Variants in ZDHHC22 observed in about 807,000 individuals in gnomAD.
ZDHHC22 encodes the protein palmitoyltransferase ZDHHC22.
A neutral mutation model predicts 17.0 loss-of-function variants in ZDHHC22; 13 were observed. The observed-to-expected ratio is 0.76, with a 90% CI of 0.50 to 1.21. The LOEUF (loss-of-function observed/expected upper bound fraction) is 1.21, where lower values mean the gene tolerates loss of function less well. ZDHHC22 is among the 50% of genes most tolerant of loss of function. The probability of loss-of-function intolerance (pLI) is 0.00; values close to 1 mark genes in which losing one functional copy is unlikely to be tolerated. For missense variants in ZDHHC22, 319 were observed against 342.3 expected, an observed-to-expected ratio of 0.93 and a Z score of 0.54; for synonymous variants, 138 against 154.7, an observed-to-expected ratio of 0.89 and a Z score of 0.80.
At chr14:77,135,357 T>C (rs1365535694) in intron 2 of ZDHHC22, among the ~76,000 whole-genome samples, 1 of 152,186 alleles carries the variant, frequency 6.6e-6, no homozygotes, top group African/African-American at 2.4e-5. Context: ...CTTTCAACAC[T>C]TGTCCAGTAT....
rs773094133 is a variant in ZDHHC22 at position 77,139,641 on chromosome 14, C to T, written c.98G>A (p.Ser33Asn). 1 of 1,577,986 alleles carries T rather than the reference C, an allele frequency of 6.3e-7. No homozygotes were observed. Among genetic ancestry groups the T allele is most frequent in the Non-Finnish European group, 8.6e-7 (1 of 1,161,834 alleles). Residue 33 changes from serine to asparagine, a missense_variant, in exon 2 of 3, where the codon AGC becomes AAC. By Grantham distance (46) the Ser-to-Asn change is conservative. Transcript: ENST00000319374. The part of the protein sequence containing the change: ...FVLQLFLFLP[S>N]MREDPAAARL... ...GGCGGCCGCGGGGTCCTCGCGCATG[C>T]TGGGCAGGAAGAGGAAGAGCTGCAG...
In ZDHHC22 at chr14:77,133,767, C is replaced by G. The variant is rs1192177640; in HGVS notation, c.708G>C (p.Glu236Asp). Residue 236 changes from glutamate (E) to aspartate (D), a missense_variant, in exon 3 of 3, where the codon GAG (glutamate) becomes GAC (aspartate). Transcript: ENST00000319374. ...CCAGCAGCCACCTCTTTCCGAAGAC[C>G]TCTTGTAAGTTCTTGCGCCAGGGCC... ...RARPWRKNLQ[E>D]VFGKRWLLGL... 1.9e-6 allele frequency: 3 copies of G among 1,614,066 alleles called. No homozygotes were observed. The highest frequency in any genetic ancestry group is 2.5e-6 in the Non-Finnish European group (3 of 1,179,906).
At chr14:77,141,208 T>C (rs1208483806) in intron 1 of ZDHHC22, 2 of 151,986 alleles carry the variant, frequency 1.3e-5, no homozygotes, top group African/African-American at 4.8e-5. Flanking sequence ...CAGAGAGCCC[T>C]CGGCCTGGGG....
intron 1 of ZDHHC22, 184 bp downstream of exon 1, chr14:77,141,419 C>T (rs967388696): frequency 6.6e-6 from 1 of 152,464 alleles, no homozygotes; most frequent in African/African-American, 2.4e-5. Context: ...AGGGAGCTGT[C>T]CGTTCAGCCC....
rs1887075825 is a variant in ZDHHC22, at chr14:77,133,632, G to A, written c.*51C>T. On this transcript the variant is annotated 3_prime_UTR_variant, in exon 3 of 3. Transcript: ENST00000319374. Reference sequence around the variant, plus strand: ...GGAGACAAGGCTGCCATGGTTTTATGCTCAGGAGGAGTCAAGACAGAGACA... The same window carrying A: ...GGAGACAAGGCTGCCATGGTTTTATACTCAGGAGGAGTCAAGACAGAGACA... The A allele has an allele frequency of 6.4e-7, 1 of 1,573,168 alleles. No individual in the cohort carries two copies. The highest frequency in any genetic ancestry group is 1.3e-5 in the African/African-American group (1 of 74,386).
At chr14:77,135,921 G>A (rs1658503254) in intron 2 of ZDHHC22, among the ~76,000 whole-genome samples, 1 of 152,218 alleles carries the variant, frequency 6.6e-6, no homozygotes, top group African/African-American at 2.4e-5. Context: ...AAAAGTGTTT[G>A]AAGTTACCTA....
At chr14:77,138,151 A>T (rs1467077004) in intron 2 of ZDHHC22, among the ~76,000 whole-genome samples, 1 of 152,218 alleles carries the variant, frequency 6.6e-6, no homozygotes, top group Non-Finnish European at 1.5e-5. Context: ...AGTGGAAGGA[A>T]ACGCAGTAGG....
chr14:77,135,416 T>G lies in ZDHHC22; in HGVS notation c.527-1468A>C, dbSNP rs112328350. ...ATGGAGGATGTGGATCTGATTTAGA[T>G]TCTCTCATTAGCAGCCTCCTCTTGT... On this transcript the variant is annotated intron_variant, in intron 2 of 2. Coordinates refer to ENST00000319374, the MANE Select transcript of ZDHHC22 (RefSeq NM_174976.2). Among the ~76,000 whole-genome samples the G allele has an allele frequency of 5.0e-3, 765 of 152,266 alleles. 4 individuals carry two copies. The highest frequency in any genetic ancestry group is 0.025 in the East Asian group (129 of 5,190).
At chr14:77,137,428 G>A (rs1887157936) in intron 2 of ZDHHC22, among the ~76,000 whole-genome samples, 1 of 152,164 alleles carries the variant, frequency 6.6e-6, no homozygotes, top group African/African-American at 2.4e-5. Flanking sequence ...TCTTCCTTCT[G>A]GAACCATCCA....
At position 77,133,759 on chromosome 14, in the gene ZDHHC22, C is replaced by T. The variant is rs1293493287; in HGVS notation, c.716G>A (p.Gly239Glu). 2.5e-6 allele frequency: 4 copies of T among 1,614,032 alleles called. No individual in the cohort carries two copies. The Admixed American group carries it at 6.7e-5, about 27-fold the overall frequency. The change falls in exon 3 of 3, where the codon GGA becomes GAA. Residue 239 changes from glycine to glutamate, a missense_variant. Coordinates refer to ENST00000319374, the MANE Select transcript of ZDHHC22 (RefSeq NM_174976.2). ...PWRKNLQEVF[G>E]KRWLLGLLVP... ...CAGCAGGCCCAGCAGCCACCTCTTTCCGAAGACCTCTTGTAAGTTCTTGCG... is the reference window on the plus strand; with the variant it reads ...CAGCAGGCCCAGCAGCCACCTCTTTTCGAAGACCTCTTGTAAGTTCTTGCG...
At position 77,133,555 on chromosome 14, in the gene ZDHHC22, G is replaced by T; in HGVS notation, c.*128C>A. The T allele has an allele frequency of 7.9e-7, 1 of 1,272,086 alleles. No individual in the cohort carries two copies. Among genetic ancestry groups the T allele is most frequent in the South Asian group, 1.6e-5 (1 of 64,492 alleles). The allele number at this position is 1,272,086 out of a possible 1,614,324, so 78.8% of individuals were successfully genotyped here. On this transcript the variant is annotated 3_prime_UTR_variant, in exon 3 of 3. Coordinates refer to ENST00000319374, the MANE Select transcript of ZDHHC22 (RefSeq NM_174976.2). ...CACGCTGTTCTCATGGGTGGAAGGT[G>T]AGGGGAAGATGCTAGGACCTTACCA...
rs572881451 is a variant in ZDHHC22, at chr14:77,132,434, C to G, written c.*1249G>C. 2 of 152,350 alleles carry G rather than the reference C, an allele frequency of 1.3e-5. No individual in the cohort carries two copies. The highest frequency in any genetic ancestry group is 4.8e-5 in the African/African-American group (2 of 41,562). The allele number at this position is 152,350 out of a possible 1,614,324, so 9.4% of individuals were successfully genotyped here. A position where few individuals can be genotyped will look rare whatever the true frequency, so the allele number is the denominator to read the frequency against. ...TTTTCAGACCCCTCCCATGCCCACACTCCCCTCTAGGAAAGCAAATATCTC... is the reference window on the plus strand; with the variant it reads ...TTTTCAGACCCCTCCCATGCCCACAGTCCCCTCTAGGAAAGCAAATATCTC... On this transcript the variant is annotated 3_prime_UTR_variant, in exon 3 of 3. Coordinates refer to ENST00000319374, the MANE Select transcript of ZDHHC22 (RefSeq NM_174976.2).
Position 77,133,531 on chromosome 14 carries a change from A to T in ZDHHC22, c.*152T>A. The T allele has an allele frequency of 9.3e-7, 1 of 1,078,886 alleles. No individual in the cohort carries two copies. The allele number at this position is 1,078,886 out of a possible 1,614,324, so 66.8% of individuals were successfully genotyped here. The stretch of plus-strand genomic sequence containing the variant: ...CCTCCTTGTCATGATCCACCAGCTC[A>T]CGCTGTTCTCATGGGTGGAAGGTGA... On this transcript the variant is annotated 3_prime_UTR_variant, in exon 3 of 3. Coordinates refer to ENST00000319374, the MANE Select transcript of ZDHHC22 (RefSeq NM_174976.2).
chr14:77,135,195 G>GGGA, intron 2 of ZDHHC22, among the ~76,000 whole-genome samples: 2 of 151,904 alleles, frequency 1.3e-5, no homozygotes, highest in Middle Eastern at 6.9e-3. Context: ...TCTGGTGGGG[G>GGGA]GGGGGCACCT....
chr14:77,136,371 C>T (rs1887137019), intron 2 of ZDHHC22, among the ~76,000 whole-genome samples: 1 of 152,154 alleles, frequency 6.6e-6, no homozygotes, highest in Non-Finnish European at 1.5e-5. Flanking sequence ...ATGTGACATG[C>T]ATAGTGGGTG....
chr14:77,138,985 A>C (rs1286247514), intron 2 of ZDHHC22, among the ~76,000 whole-genome samples: 1 of 152,274 alleles, frequency 6.6e-6, no homozygotes, highest in Non-Finnish European at 1.5e-5. Context: ...CTTAATTTGC[A>C]TTTCAGATAG....
intron 2 of ZDHHC22, among the ~76,000 whole-genome samples, chr14:77,136,228 C>A (rs1177095069): frequency 6.8e-6 from 1 of 147,518 alleles, no homozygotes; most frequent in Non-Finnish European, 1.5e-5. Context: ...AGGCTAGAAG[C>A]CCCAACTCCA....
At chr14:77,134,041 G>A (rs917643508) in intron 2 of ZDHHC22, 93 bp from the exon 3 acceptor site, 35 of 1,408,776 alleles carry the variant, frequency 2.5e-5, no homozygotes, top group Non-Finnish European at 3.3e-5. Context: ...CCGGGAGGGA[G>A]GGAGATTAAT....
At chr14:77,137,867 C>T (rs78220169) in intron 2 of ZDHHC22, among the ~76,000 whole-genome samples, 1,550 of 152,238 alleles carry the variant, frequency 0.01, 29 homozygotes, top group African/African-American at 0.036. Flanking sequence ...CTGCCCTCTG[C>T]CTTTCTTTGC....
Sources: allele counts gnomAD v4.1 joint callset (sites outside exome capture counted in the v4.1 genomes callset), GRCh38; gene constraint gnomAD v4.1.1; transcripts MANE v1.5; gene names NCBI Gene and HGNC (gene_info 2026-07-23, HGNC 2026-07-21).